NISCH: variants seen among roughly 807,000 people sequenced by gnomAD.
The protein encoded by NISCH is I-1 receptor candidate protein.
In NISCH, 55 loss-of-function variants were observed where a neutral mutation model predicts 138.4. The observed-to-expected ratio is 0.40, with a 90% CI of 0.32 to 0.50. The LOEUF (loss-of-function observed/expected upper bound fraction) is 0.50. NISCH is among the 20% of genes least tolerant of loss of function. The pLI is 0.71. For synonymous variants in NISCH, 860 were observed against 861.5 expected, an observed-to-expected ratio of 1.00 and a Z score of 0.03; for missense variants, 1,643 against 2,005.5, an observed-to-expected ratio of 0.82 and a Z score of 3.45.
At chr3:52,463,822 C>T (rs1706704657) in intron 3 of NISCH, among the ~76,000 whole-genome samples, 1 of 140,224 alleles carries the variant, frequency 7.1e-6, no homozygotes, top group Admixed American at 7.7e-5. Flanking sequence ...CTCCTGGGTT[C>T]AAGCGATTCT....
rs1707469692 is a variant in NISCH, at chr3:52,488,460, G to A, written c.2968G>A (p.Glu990Lys). The A allele has an allele frequency of 6.2e-7, 1 of 1,613,438 alleles. No individual in the cohort carries two copies. Among genetic ancestry groups the A allele is most frequent in the Non-Finnish European group, 8.5e-7 (1 of 1,179,990 alleles). The change falls in exon 16 of 21, where the codon GAG becomes AAG. Residue 990 changes from glutamate (E) to lysine (K), a missense_variant. Glu to Lys is a moderately conservative substitution (Grantham distance 56). Transcript: ENST00000345716. Reference sequence around the variant, plus strand: ...CACTGCCATCTTCGTGCTGCCCCACGAGAAGTTCCACTTCCTGCGCGTCTA... The same window carrying A: ...CACTGCCATCTTCGTGCTGCCCCACAAGAAGTTCCACTTCCTGCGCGTCTA... ...FVTAIFVLPHEKFHFLRVYNQ... is the reference protein window; with the variant it reads ...FVTAIFVLPHKKFHFLRVYNQ...
intron 3 of NISCH, among the ~76,000 whole-genome samples, chr3:52,465,514 G>A (rs917647511): frequency 2.6e-5 from 4 of 152,218 alleles, no homozygotes; most frequent in Non-Finnish European, 5.9e-5. Flanking sequence ...GTTGCCGCCT[G>A]TATGAGTGAG....
At chr3:52,481,397 T>G (rs1021320194) in intron 13 of NISCH, 1 of 987,042 alleles carries the variant, frequency 1.0e-6, no homozygotes, top group Non-Finnish European at 1.2e-6. Context: ...GCGATGGGGT[T>G]AGGTGCCAGG....
In NISCH at chr3:52,489,616, C is replaced by T. The variant is rs1372438770; in HGVS notation, c.3394C>T (p.Arg1132Trp). Reference sequence around the variant, plus strand: ...GCACTTGCCTGCCTGCCCGTCGCTCCGGCACGTCGCCAGCCTGCGGGGCAG... The same window carrying T: ...GCACTTGCCTGCCTGCCCGTCGCTCTGGCACGTCGCCAGCCTGCGGGGCAG... Reference protein sequence around the residue: ...PSHLPACPSLRHVASLRGSAI... With the variant: ...PSHLPACPSLWHVASLRGSAI... Residue 1132 changes from arginine (R) to tryptophan (W), a missense_variant, in exon 17 of 21, where the codon CGG (arginine) becomes TGG (tryptophan). Coordinates refer to ENST00000345716, the MANE Select transcript of NISCH (RefSeq NM_007184.4). 14 of 1,613,042 alleles carry T rather than the reference C, an allele frequency of 8.7e-6. No individual in the cohort carries two copies. In the East Asian group the frequency reaches 8.9e-5, roughly 10 times the overall value.
chr3:52,476,164 ATCACCAGG>A (rs924612556), intron 7 of NISCH: 1 of 377,930 alleles, frequency 2.6e-6, no homozygotes, highest in African/African-American at 2.1e-5. Flanking sequence ...TAGAAAAGGC[ATCACCAGG>A]TCACCAGGGC....
chr3:52,468,496 G>A (rs1027435149), intron 3 of NISCH, among the ~76,000 whole-genome samples: 12 of 152,142 alleles, frequency 7.9e-5, no homozygotes, highest in Non-Finnish European at 1.8e-4. Flanking sequence ...AAAACCATCC[G>A]TGGAGGCTCT....
At chr3:52,470,482 T>G in intron 3 of NISCH, 1 of 213,824 alleles carries the variant, frequency 4.7e-6, no homozygotes, top group Non-Finnish European at 9.2e-6. Flanking sequence ...AAACAGGACT[T>G]TTCTCTCTGC....
chr3:52,486,273 G>A (rs1206052344), intron 15 of NISCH, among the ~76,000 whole-genome samples: 2 of 151,888 alleles, frequency 1.3e-5, no homozygotes, highest in Non-Finnish European at 1.5e-5. Flanking sequence ...ACGCCACCAC[G>A]CCCAACTAAT....
chr3:52,487,751 C>T lies in NISCH; in HGVS notation c.2259C>T (p.Ile753=). The change falls in exon 16 of 21, where the codon ATC becomes ATT. Residue 753 remains isoleucine, a synonymous_variant. Transcript: ENST00000345716. The surrounding 1 kb of genome is among the most constrained non-coding windows in gnomAD (Gnocchi z 9.1). Reference sequence around the variant, plus strand: ...AGTCTCGGGGCAGCAGCCAGCACATCCTCTCCTCCCTGCGCTTTGTCTTTT... The same window carrying T: ...AGTCTCGGGGCAGCAGCCAGCACATTCTCTCCTCCCTGCGCTTTGTCTTTT... The part of the protein sequence containing the change: ...HQESRGSSQH[I]LSSLRFVFCF... 3 of 1,613,746 alleles carry T rather than the reference C, an allele frequency of 1.9e-6. No homozygotes were observed. The highest frequency in any genetic ancestry group is 1.1e-5 in the South Asian group (1 of 91,072).
intron 3 of NISCH, among the ~76,000 whole-genome samples, chr3:52,467,240 A>T (rs957242099): frequency 3.9e-5 from 6 of 151,988 alleles, no homozygotes; most frequent in Non-Finnish European, 4.4e-5. Context: ...ACCTCAAGTG[A>T]TCCGCCCGCC....
At chr3:52,462,050 T>A (rs1343489967) in intron 3 of NISCH, among the ~76,000 whole-genome samples, 1 of 152,094 alleles carries the variant, frequency 6.6e-6, no homozygotes, top group Non-Finnish European at 1.5e-5. Flanking sequence ...TGGACTGCTC[T>A]TTTGAAACTG....
At chr3:52,483,216 C>T (rs1707322041) in intron 13 of NISCH, among the ~76,000 whole-genome samples, 1 of 152,232 alleles carries the variant, frequency 6.6e-6, no homozygotes, top group Admixed American at 6.5e-5. Context: ...TTGGGCCCAC[C>T]TGCCTGCCTC....
chr3:52,458,030 C>T (rs1314455576), intron 2 of NISCH, 104 bp downstream of exon 2: 14 of 797,164 alleles, frequency 1.8e-5, no homozygotes, highest in South Asian at 9.7e-5. Flanking sequence ...GGTTCCATCT[C>T]TATAGTTCTT....
At chr3:52,473,955 G>A in intron 7 of NISCH, 126 bp downstream of exon 7, 1 of 544,712 alleles carries the variant, frequency 1.8e-6, no homozygotes, top group East Asian at 3.1e-5. Context: ...TGGACCTTCT[G>A]TGGGGTAGGC....
intron 13 of NISCH, chr3:52,481,789 A>C (rs1251952442): frequency 1.0e-6 from 1 of 984,136 alleles, no homozygotes; most frequent in Non-Finnish European, 1.2e-6. Context: ...CCCCCTCCTC[A>C]CTCCCCTTGT....
chr3:52,460,462 C>G (rs1343438067), intron 3 of NISCH, among the ~76,000 whole-genome samples: 5 of 150,418 alleles, frequency 3.3e-5, no homozygotes, highest in Non-Finnish European at 7.4e-5. Context: ...AGGACAGTGG[C>G]CTGATCATGG....
At chr3:52,468,221 T>C (rs894339791) in intron 3 of NISCH, among the ~76,000 whole-genome samples, 2 of 152,164 alleles carry the variant, frequency 1.3e-5, no homozygotes, top group African/African-American at 2.4e-5. Context: ...ATCACGCCAC[T>C]GCACTCCAGC....
At chr3:52,465,292 G>A (rs950546674) in intron 3 of NISCH, among the ~76,000 whole-genome samples, 9 of 151,914 alleles carry the variant, frequency 5.9e-5, no homozygotes, top group Admixed American at 3.3e-4. Flanking sequence ...ACCGTACTTG[G>A]CTAATTTTTG....
At chr3:52,459,280 G>C (rs572643503) in intron 3 of NISCH, among the ~76,000 whole-genome samples, 1 of 152,318 alleles carries the variant, frequency 6.6e-6, no homozygotes, top group Non-Finnish European at 1.5e-5. Flanking sequence ...CGCTGCCAGG[G>C]TGCTAAGGTT....
Sources: allele counts gnomAD v4.1 joint callset (sites outside exome capture counted in the v4.1 genomes callset), GRCh38; gene constraint gnomAD v4.1.1; non-coding constraint Gnocchi (gnomAD v3.1); transcripts MANE v1.5; gene names NCBI Gene and HGNC (gene_info 2026-07-23, HGNC 2026-07-21).